The following C4BPA variants were observed in gnomAD, a reference collection of about 807,000 sequenced individuals.
C4BPA encodes the protein complement component 4 binding protein alpha.
C4BPA carries 31 observed loss-of-function variants against 63.7 expected under a neutral mutation model. The observed-to-expected ratio is 0.49, with a 90% CI of 0.37 to 0.66. The LOEUF (loss-of-function observed/expected upper bound fraction) is 0.66. C4BPA is among the 30% of genes least tolerant of loss of function. The pLI, the probability that C4BPA is intolerant of heterozygous loss-of-function variation, is 0.00. For synonymous variants in C4BPA, 259 were observed against 254.7 expected, an observed-to-expected ratio of 1.02 and a Z score of -0.16; for missense variants, 572 against 723.3, an observed-to-expected ratio of 0.79 and a Z score of 2.40.
At chr1:207,141,361 A>T (rs1685411899) in intron 10 of C4BPA, 85 bp downstream of exon 10, 1 of 1,021,650 alleles carries the variant, frequency 9.8e-7, no homozygotes, top group Non-Finnish European at 1.4e-6. Context: ...TCCCTGTCAG[A>T]GGCAGCATGA....
intron 10 of C4BPA, 82 bp from the exon 11 acceptor site, chr1:207,143,736 A>T (rs777179450): frequency 6.4e-6 from 6 of 934,644 alleles, no homozygotes; most frequent in Non-Finnish European, 8.4e-6. Flanking sequence ...AACTAAATAC[A>T]GTTCATTCTT....
chr1:207,116,495 A>G (rs897791357), intron 4 of C4BPA, among the ~76,000 whole-genome samples: 1 of 124,408 alleles, frequency 8.0e-6, no homozygotes, highest in Non-Finnish European at 1.7e-5. Flanking sequence ...CTTTTCCCAC[A>G]GTGTGTGTGT....
rs2102371997 is a variant in C4BPA at position 207,144,117 on chromosome 1, C to T, written c.1620+124C>T. ...TGTCAGGATTCATTTCTGAGCCACT[C>T]CCACTCAAAGAAACTCTTTTTGTCT... On this transcript the variant is annotated intron_variant, in intron 11 of 11. Transcript: ENST00000367070. 4 of 684,298 alleles carry T rather than the reference C, an allele frequency of 5.8e-6. No homozygotes were observed. The East Asian group carries it at 1.3e-4, about 22-fold the overall frequency. The allele number at this position is 684,298 out of a possible 1,614,324, so 42.4% of individuals were successfully genotyped here.
In C4BPA at chr1:207,144,003, A is replaced by C. The variant is rs920621450; in HGVS notation, c.1620+10A>C. ...GCCCAAGTGTGAGTGGGTAAGTGGCACAATTCAAGGAAGTTCTGTGCTGTC... is the reference window on the plus strand; with the variant it reads ...GCCCAAGTGTGAGTGGGTAAGTGGCCCAATTCAAGGAAGTTCTGTGCTGTC... On this transcript the variant is annotated intron_variant, in intron 11 of 11. Coordinates refer to ENST00000367070, the MANE Select transcript of C4BPA (RefSeq NM_000715.4). 2 of 1,559,360 alleles carry C rather than the reference A, an allele frequency of 1.3e-6. No homozygotes were observed. Among genetic ancestry groups the C allele is most frequent in the African/African-American group, 2.7e-5 (2 of 72,904 alleles).
chr1:207,143,359 T>C (rs546919068), intron 10 of C4BPA, among the ~76,000 whole-genome samples: 10 of 152,076 alleles, frequency 6.6e-5, no homozygotes, highest in African/African-American at 2.4e-4. Flanking sequence ...AGGGGAGGGA[T>C]AGCATTAGGA....
chr1:207,123,749 A>G (rs1374856544), intron 4 of C4BPA, among the ~76,000 whole-genome samples, 173 bp from the exon 5 acceptor site: 2 of 152,244 alleles, frequency 1.3e-5, no homozygotes, highest in Admixed American at 6.5e-5. Context: ...AAACACACGC[A>G]TCTCATTGCA....
At position 207,124,240 on chromosome 1, in the gene C4BPA, G is replaced by C. The variant is rs766587946; in HGVS notation, c.580G>C (p.Ala194Pro). The C allele has an allele frequency of 6.2e-7, 1 of 1,613,824 alleles. No homozygotes were observed. Among genetic ancestry groups the C allele is most frequent in the South Asian group, 1.1e-5 (1 of 91,070 alleles). ...GCACAGCGGTGAAGAAAATTTCTAC[G>C]CATACGGCTTTTCTGTCACCTACAG... ...GRHSGEENFY[A>P]YGFSVTYSCD... Residue 194 changes from alanine (A) to proline (P), a missense_variant, in exon 6 of 12, where the codon GCA becomes CCA. Ala to Pro is a conservative substitution (Grantham distance 27, BLOSUM62 -1). Coordinates refer to ENST00000367070, the MANE Select transcript of C4BPA (RefSeq NM_000715.4).
In C4BPA at chr1:207,115,523, T is replaced by A; in HGVS notation, c.428+8T>A. 1 of 1,407,534 alleles carries A rather than the reference T, an allele frequency of 7.1e-7. No individual in the cohort carries two copies. Among genetic ancestry groups the A allele is most frequent in the Non-Finnish European group, 9.8e-7 (1 of 1,025,500 alleles). The allele number at this position is 1,407,534 out of a possible 1,614,324, so 87.2% of individuals were successfully genotyped here. A position where few individuals can be genotyped will look rare whatever the true frequency, so the allele number is the denominator to read the frequency against. ...ATTCAGCTGTTCAGAAGGGTGAGTG[T>A]GAGGTAATCTATGAACAATTCTTTT... On this transcript the variant is annotated splice_region_variant and intron_variant, in intron 4 of 11. Transcript: ENST00000367070.
At position 207,113,175 on chromosome 1, in the gene C4BPA, G is replaced by A. The variant is rs764830221; in HGVS notation, c.142+8G>A. 4 of 1,605,760 alleles carry A rather than the reference G, an allele frequency of 2.5e-6. No homozygotes were observed. The highest frequency in any genetic ancestry group is 3.4e-6 in the Non-Finnish European group (4 of 1,177,326). ...TGTTGCCTGCTGTTCTTGGTGAGTA[G>A]TGGGAAACAAGCTCAAATCAGCAAC... On this transcript the variant is annotated splice_region_variant and intron_variant, in intron 2 of 11. Coordinates refer to ENST00000367070, the MANE Select transcript of C4BPA (RefSeq NM_000715.4).
intron 3 of C4BPA, 60 bp downstream of exon 3, chr1:207,114,345 A>G: frequency 7.4e-7 from 1 of 1,346,270 alleles, no homozygotes; most frequent in Non-Finnish European, 1.0e-6. Flanking sequence ...GTTGTCTCAG[A>G]AACTAAATTT....
At chr1:207,142,096 T>C (rs1027198265) in intron 10 of C4BPA, among the ~76,000 whole-genome samples, 17 of 109,880 alleles carry the variant, frequency 1.5e-4, no homozygotes, top group African/African-American at 4.3e-4. Context: ...CAGGCCCCAG[T>C]GTGTGATGTT....
intron 4 of C4BPA, among the ~76,000 whole-genome samples, chr1:207,123,073 G>A (rs1684952825): frequency 1.3e-5 from 2 of 152,176 alleles, no homozygotes; most frequent in South Asian, 2.1e-4. Context: ...ATAAGGGAAA[G>A]TGAAAAGAAT....
intron 4 of C4BPA, among the ~76,000 whole-genome samples, chr1:207,115,900 T>C (rs1684776128): frequency 6.6e-6 from 1 of 152,218 alleles, no homozygotes; most frequent in Non-Finnish European, 1.5e-5. Context: ...AGAATGTTGT[T>C]GTGTAGTTGT....
chr1:207,137,626 GTTTTGTTTT>G (rs1419877853), intron 9 of C4BPA, among the ~76,000 whole-genome samples: 1 of 151,898 alleles, frequency 6.6e-6, no homozygotes, highest in Non-Finnish European at 1.5e-5. Flanking sequence ...GTTTTGTTTT[GTTTTGTTTT>G]GAGACAGAGT....
chr1:207,131,647 C>A lies in C4BPA; in HGVS notation c.991C>A (p.Arg331Ser). 6.2e-7 allele frequency: 1 copy of A among 1,613,688 alleles called. No individual in the cohort carries two copies. Among genetic ancestry groups the A allele is most frequent in the Non-Finnish European group, 8.5e-7 (1 of 1,179,738 alleles). ...VYVVGTVLRY[R>S]CHPGYKPTTD... Reference sequence around the variant, plus strand: ...TGTTGTTGGGACTGTGTTAAGGTACCGCTGTCATCCTGGCTACAAACCCAC... The same window carrying A: ...TGTTGTTGGGACTGTGTTAAGGTACAGCTGTCATCCTGGCTACAAACCCAC... Residue 331 changes from arginine (R) to serine (S), a missense_variant, in exon 8 of 12, where the codon CGC (arginine) becomes AGC (serine). By Grantham distance (110) the Arg-to-Ser change is moderately radical. Transcript: ENST00000367070.
Position 207,131,234 on chromosome 1 carries a change from C to T in C4BPA, c.890-312C>T, listed in dbSNP as rs567859858. ...AGTTAGATTTGTTTGTGACAGTTTT[C>T]CTGCCATGCTTCAGTTCAGAAACTA... On this transcript the variant is annotated intron_variant, in intron 7 of 11. Coordinates refer to ENST00000367070, the MANE Select transcript of C4BPA (RefSeq NM_000715.4). Among the ~76,000 whole-genome samples, 3 of 152,282 alleles carry T rather than the reference C, an allele frequency of 2.0e-5. No homozygotes were observed. In the East Asian group the frequency reaches 5.8e-4, roughly 29 times the overall value.
intron 7 of C4BPA, among the ~76,000 whole-genome samples, chr1:207,128,555 A>G (rs1156506301): frequency 1.3e-5 from 2 of 152,196 alleles, no homozygotes; most frequent in African/African-American, 2.4e-5. Flanking sequence ...AGATTGCTGG[A>G]GGCCAATGGT....
chr1:207,138,695 A>C (rs2102362372), intron 9 of C4BPA, among the ~76,000 whole-genome samples: 1 of 152,204 alleles, frequency 6.6e-6, no homozygotes, highest in South Asian at 2.1e-4. Flanking sequence ...CCTGGCAATC[A>C]TTTGTCCCCC....
intron 3 of C4BPA, among the ~76,000 whole-genome samples, 200 bp downstream of exon 3, chr1:207,114,485 C>CTTTTTTTTTT (rs34895847): frequency 1.7e-5 from 1 of 59,550 alleles, no homozygotes; most frequent in African/African-American, 7.8e-5. Flanking sequence ...TAACTCTGTT[C>CTTTTTTTTTT]TTTTTTTTTT....
Sources: allele counts gnomAD v4.1 joint callset (sites outside exome capture counted in the v4.1 genomes callset), GRCh38; gene constraint gnomAD v4.1.1; transcripts MANE v1.5; gene names NCBI Gene and HGNC (gene_info 2026-07-23, HGNC 2026-07-21).